The following CACNG7 variants were observed in gnomAD, a reference collection of about 807,000 sequenced individuals.
The protein encoded by CACNG7 is calcium voltage-gated channel auxiliary subunit gamma 7, also known as voltage-dependent calcium channel gamma-7 subunit.
CACNG7 carries 9 observed loss-of-function variants against 26.3 expected under a neutral mutation model. The ratio of observed to expected loss-of-function variants is 0.34; its 90% confidence interval spans 0.21 to 0.60. The LOEUF (loss-of-function observed/expected upper bound fraction) is 0.60. Ranked by LOEUF, CACNG7 falls within the 20% of genes least tolerant of loss-of-function variation. The pLI is 0.81. For synonymous variants in CACNG7, 170 were observed against 157.0 expected, an observed-to-expected ratio of 1.08 and a Z score of -0.62; for missense variants, 297 against 380.4, an observed-to-expected ratio of 0.78 and a Z score of 1.82.
chr19:53,930,334 G>A lies in CACNG7; in HGVS notation c.425-11136G>A, dbSNP rs190868427. Among the ~76,000 whole-genome samples, 919 of 151,582 alleles carry A rather than the reference G, an allele frequency of 6.1e-3. 14 individuals are homozygous for A. Among genetic ancestry groups the A allele is most frequent in the African/African-American group, 0.021 (865 of 41,354 alleles). Reference sequence around the variant, plus strand: ...AGCAATTCTTCTGCCTCAGCCTCCCGAATAGCTAGGACTACAGGCGGGCAC... The same window carrying A: ...AGCAATTCTTCTGCCTCAGCCTCCCAAATAGCTAGGACTACAGGCGGGCAC... On this transcript the variant is annotated intron_variant, in intron 4 of 5. Transcript: ENST00000391767.
At chr19:53,941,381 G>T in intron 4 of CACNG7, 89 bp from the exon 5 acceptor site, 1 of 1,403,192 alleles carries the variant, frequency 7.1e-7, no homozygotes, top group South Asian at 1.6e-5. Context: ...AGGACAGAAT[G>T]GGGAGGAGGG....
Position 53,911,688 on chromosome 19 carries a change from T to C in CACNG7, c.-29-1115T>C, listed in dbSNP as rs2068863350. 2.0e-5 allele frequency among the ~76,000 whole-genome samples: 3 copies of C among 152,118 alleles called. No homozygotes were observed. In the South Asian group the frequency reaches 6.2e-4, roughly 32 times the overall value. On this transcript the variant is annotated intron_variant, in intron 1 of 5. Coordinates refer to ENST00000391767, the MANE Select transcript of CACNG7 (RefSeq NM_031896.5). Reference sequence around the variant, plus strand: ...GCAGCCAGGGTGGCCAGGGTGATGGTGCCCGTTTCCGAACCCACAGGGCTG... The same window carrying C: ...GCAGCCAGGGTGGCCAGGGTGATGGCGCCCGTTTCCGAACCCACAGGGCTG...
chr19:53,917,290 AT>A (rs1461449390), intron 4 of CACNG7, among the ~76,000 whole-genome samples: 1 of 152,188 alleles, frequency 6.6e-6, no homozygotes, highest in Non-Finnish European at 1.5e-5. Context: ...ACATAATTTA[AT>A]TAAACTCAAA....
At chr19:53,921,738 G>C (rs1345123903) in intron 4 of CACNG7, among the ~76,000 whole-genome samples, 3 of 99,734 alleles carry the variant, frequency 3.0e-5, no homozygotes, top group Non-Finnish European at 3.7e-5. Flanking sequence ...CATTGGTGGA[G>C]TTGCCCCAGG....
In CACNG7 at chr19:53,922,087, A is replaced by G. The variant is rs867718386; in HGVS notation, c.424+6582A>G. Among the ~76,000 whole-genome samples, 386 of 72,578 alleles carry G rather than the reference A, an allele frequency of 5.3e-3. 20 individuals are homozygous for G. Among genetic ancestry groups the G allele is most frequent in the African/African-American group, 0.03 (338 of 11,276 alleles). 47.6% of individuals were successfully genotyped at this position (72,578 alleles called of 152,430 possible). On this transcript the variant is annotated intron_variant, in intron 4 of 5. Coordinates refer to ENST00000391767, the MANE Select transcript of CACNG7 (RefSeq NM_031896.5). ...GTTGCCCCAGGTCTGGTATTGGTGG[A>G]GTTGTCCCCAGGCCTGGTCATTGGT... is the stretch of plus-strand genomic sequence containing the variant.
At position 53,927,076 on chromosome 19, in the gene CACNG7, C is replaced by T. The variant is rs539100629; in HGVS notation, c.424+11571C>T. Among the ~76,000 whole-genome samples, 6 of 152,186 alleles carry T rather than the reference C, an allele frequency of 3.9e-5. No homozygotes were observed. In the East Asian group the frequency reaches 5.8e-4, roughly 15 times the overall value. On this transcript the variant is annotated intron_variant, in intron 4 of 5. Transcript: ENST00000391767. Reference sequence around the variant, plus strand: ...CTGGGATTACAGGCACCTGCCACCACGCCTGGCTAATTTTTGTATTTTTAG... The same window carrying T: ...CTGGGATTACAGGCACCTGCCACCATGCCTGGCTAATTTTTGTATTTTTAG...
At position 53,941,466 on chromosome 19, in the gene CACNG7, C is replaced by G; in HGVS notation, c.425-4C>G. 1 of 1,558,172 alleles carries G rather than the reference C, an allele frequency of 6.4e-7. No individual in the cohort carries two copies. The highest frequency in any genetic ancestry group is 8.6e-7 in the Non-Finnish European group (1 of 1,157,718). ...GGACGAGGGCACCCCCTCTGCTCCC[C>G]TAGGCCTCTCCTTGGTGGTGGGCTT... On this transcript the variant is annotated splice_region_variant and splice_polypyrimidine_tract_variant and intron_variant, in intron 4 of 5. Coordinates refer to ENST00000391767, the MANE Select transcript of CACNG7 (RefSeq NM_031896.5).
At chr19:53,923,490 G>C (rs546472353) in intron 4 of CACNG7, among the ~76,000 whole-genome samples, 5 of 132,946 alleles carry the variant, frequency 3.8e-5, no homozygotes, top group African/African-American at 5.7e-5. Context: ...GTCATTGGTG[G>C]AGTTGTCCCA....
intron 4 of CACNG7, among the ~76,000 whole-genome samples, chr19:53,916,351 GCCCA>G (rs2068897251): frequency 4.3e-5 from 3 of 69,782 alleles, no homozygotes; most frequent in Non-Finnish European, 6.7e-5. Flanking sequence ...GGGTACCAAG[GCCCA>G]GAATTGCATA....
chr19:53,928,470 T>G (rs1336048828), intron 4 of CACNG7, among the ~76,000 whole-genome samples: 1 of 152,056 alleles, frequency 6.6e-6, no homozygotes, highest in Non-Finnish European at 1.5e-5. Flanking sequence ...AGACGGGGTT[T>G]CACCATGTTG....
At chr19:53,919,894 C>G (rs71365411) in intron 4 of CACNG7, among the ~76,000 whole-genome samples, 39 of 103,984 alleles carry the variant, frequency 3.8e-4, no homozygotes, top group African/African-American at 8.8e-4. Flanking sequence ...CATTGGTGGA[C>G]TTGCCCCAGG....
intron 2 of CACNG7, among the ~76,000 whole-genome samples, chr19:53,913,925 A>G (rs75278181): frequency 0.068 from 10,350 of 151,950 alleles, 1,155 homozygotes; most frequent in African/African-American, 0.24. Context: ...TTGTTGCTTA[A>G]GACCTAGAGT....
chr19:53,922,548 G>C (rs77117331), intron 4 of CACNG7, among the ~76,000 whole-genome samples: 12 of 83,204 alleles, frequency 1.4e-4, no homozygotes, highest in African/African-American at 6.8e-4. Context: ...GTCATTGGTG[G>C]AGTTGCCCCA....
In CACNG7 at chr19:53,915,328, C is replaced by T. The variant is rs373486264; in HGVS notation, c.284-37C>T. 1.7e-5 allele frequency: 26 copies of T among 1,498,260 alleles called. No homozygotes were observed. The East Asian group carries it at 5.4e-4, about 31-fold the overall frequency. The allele number at this position is 1,498,260 out of a possible 1,614,324, so 92.8% of individuals were successfully genotyped here. ...ATGGGGAAGTGTCCCACTGGAGATT[C>T]CCCCCTCACCCCTGTCTCTCCCCAT... On this transcript the variant is annotated intron_variant, in intron 3 of 5. Transcript: ENST00000391767.
intron 4 of CACNG7, among the ~76,000 whole-genome samples, chr19:53,926,276 A>G (rs552593743): frequency 3.0e-4 from 46 of 152,094 alleles, no homozygotes; most frequent in Admixed American, 2.8e-3. Flanking sequence ...CTCTGACCTC[A>G]TCTCCTCACC....
Position 53,914,509 on chromosome 19 carries a change from A to C in CACNG7, c.206A>C (p.Lys69Thr). The change falls in exon 3 of 6, where the codon AAA becomes ACA. Residue 69 changes from lysine to threonine, a missense_variant. By Grantham distance (78) the Lys-to-Thr change is moderately conservative (BLOSUM62 -1). Coordinates refer to ENST00000391767, the MANE Select transcript of CACNG7 (RefSeq NM_031896.5). Reference protein sequence around the residue: ...WRVCFFAGREKGRCVASEYFL... With the variant: ...WRVCFFAGRETGRCVASEYFL... ...TTTCTCTTCCCCCCAGGTCGGGAGA[A>C]AGGTCGCTGTGTGGCCTCAGAATAT... is the stretch of plus-strand genomic sequence containing the variant. 1.9e-6 allele frequency: 3 copies of C among 1,614,066 alleles called. No homozygotes were observed. In the South Asian group the frequency reaches 3.3e-5, roughly 18 times the overall value.
chr19:53,926,795 C>T (rs2069034498), intron 4 of CACNG7, among the ~76,000 whole-genome samples: 1 of 152,004 alleles, frequency 6.6e-6, no homozygotes, highest in Non-Finnish European at 1.5e-5. Context: ...CCCCTATAGT[C>T]CCAGCTACTT....
Position 53,942,064 on chromosome 19 carries a change from T to A in CACNG7, c.599T>A (p.Phe200Tyr). The A allele has an allele frequency of 6.2e-7, 1 of 1,612,260 alleles. No homozygotes were observed. The highest frequency in any genetic ancestry group is 8.5e-7 in the Non-Finnish European group (1 of 1,178,926). ...EGAGVMSVYLFTKRYAEEEMY... is the reference protein window; with the variant it reads ...EGAGVMSVYLYTKRYAEEEMY... ...GCCGGCGTGATGTCCGTGTACCTGT[T>A]CACCAAGCGCTACGCGGAGGAGGAG... is the stretch of plus-strand genomic sequence containing the variant. The change falls in exon 6 of 6, where the codon TTC becomes TAC. Residue 200 changes from phenylalanine to tyrosine, a missense_variant. Transcript: ENST00000391767. This position sits in a 1 kb window ranked among gnomAD's most constrained non-coding sequence, Gnocchi z 5.9.
intron 4 of CACNG7, among the ~76,000 whole-genome samples, chr19:53,921,883 CTGGT>C (rs1599977800): frequency 1.3e-5 from 1 of 77,320 alleles, no homozygotes; most frequent in East Asian, 3.2e-4. Flanking sequence ...TTGTCCCAGG[CTGGT>C]CATTGGTGGA....
Sources: allele counts gnomAD v4.1 joint callset (sites outside exome capture counted in the v4.1 genomes callset), GRCh38; gene constraint gnomAD v4.1.1; non-coding constraint Gnocchi (gnomAD v3.1); transcripts MANE v1.5; gene names NCBI Gene and HGNC (gene_info 2026-07-23, HGNC 2026-07-21).